Variants in ESRRG observed in about 807,000 individuals in gnomAD.
ESRRG encodes the protein estrogen related receptor gamma.
In ESRRG, 13 loss-of-function variants were observed where a neutral mutation model predicts 44.0. The ratio of observed to expected loss-of-function variants is 0.30; its 90% CI spans 0.19 to 0.47. The LOEUF is 0.47. Ranked by LOEUF, ESRRG falls within the 20% of genes least tolerant of loss-of-function variation. The pLI is 1.00. For missense variants in ESRRG, 395 were observed against 580.6 expected (o/e 0.68, Z 3.29); for synonymous variants, 215 against 214.6 (o/e 1.00, Z -0.02).
At chr1:216,871,753 C>T (rs953147399) in intron 2 of ESRRG, among the ~76,000 whole-genome samples, 6 of 151,940 alleles carry the variant, frequency 3.9e-5, no homozygotes, top group Non-Finnish European at 5.9e-5. Flanking sequence ...CTCTTTATGT[C>T]GTAGTTGCCA....
chr1:216,850,958 A>G (rs1251887728), intron 2 of ESRRG, among the ~76,000 whole-genome samples: 2 of 151,194 alleles, frequency 1.3e-5, no homozygotes, highest in Non-Finnish European at 2.9e-5. Context: ...TCTGGAAGAT[A>G]CGGCCCTCTA....
chr1:216,875,702 T>G (rs1437030811), intron 2 of ESRRG, among the ~76,000 whole-genome samples: 1 of 152,158 alleles, frequency 6.6e-6, no homozygotes, highest in Non-Finnish European at 1.5e-5. Context: ...GTTCCAGCGT[T>G]TTATTGTTAT....
chr1:217,024,802 C>T (rs907363667), intron 1 of ESRRG, among the ~76,000 whole-genome samples: 4 of 152,156 alleles, frequency 2.6e-5, no homozygotes, highest in Non-Finnish European at 5.9e-5. Context: ...TTCACAACAG[C>T]TCTATGAGGG....
chr1:216,802,717 A>C (rs1434215962), intron 2 of ESRRG, among the ~76,000 whole-genome samples: 1 of 152,130 alleles, frequency 6.6e-6, no homozygotes, highest in Non-Finnish European at 1.5e-5. Context: ...TTACTACCCC[A>C]GTTAAATATC....
At chr1:216,963,820 A>T (rs1396429477) in intron 1 of ESRRG, among the ~76,000 whole-genome samples, 1 of 152,132 alleles carries the variant, frequency 6.6e-6, no homozygotes, top group African/African-American at 2.4e-5. Flanking sequence ...TCTCTGCCTC[A>T]AAGTGTCTCG....
chr1:217,004,709 GTATAAC>G (rs1304993124), intron 1 of ESRRG, among the ~76,000 whole-genome samples: 21 of 152,114 alleles, frequency 1.4e-4, no homozygotes, highest in African/African-American at 4.8e-4. Flanking sequence ...AAATTAATCT[GTATAAC>G]TATATCAATC....
chr1:216,699,017 T>C (rs2080856955), intron 1 of ESRRG, among the ~76,000 whole-genome samples: 1 of 152,348 alleles, frequency 6.6e-6, no homozygotes, highest in Non-Finnish European at 1.5e-5. Context: ...CCCTGGAACC[T>C]CACGAGGCTG....
At chr1:216,906,819 C>T (rs2059732677) in intron 2 of ESRRG, among the ~76,000 whole-genome samples, 1 of 152,208 alleles carries the variant, frequency 6.6e-6, no homozygotes, top group African/African-American at 2.4e-5. Flanking sequence ...TAGTTCAACA[C>T]ATTGGTTCCC....
chr1:216,767,903 C>T (rs2093165175), intron 2 of ESRRG, among the ~76,000 whole-genome samples: 1 of 152,048 alleles, frequency 6.6e-6, no homozygotes, highest in African/African-American at 2.4e-5. Context: ...AGACAGTAAC[C>T]CATTAGGAAG....
chr1:217,082,194 C>A (rs1308204313), intron 1 of ESRRG, among the ~76,000 whole-genome samples: 1 of 152,174 alleles, frequency 6.6e-6, no homozygotes, highest in Non-Finnish European at 1.5e-5. Flanking sequence ...GCTTGTTCTA[C>A]AGTAGACAAG....
chr1:217,095,428 A>T (rs2092408975), intron 1 of ESRRG, among the ~76,000 whole-genome samples: 1 of 152,178 alleles, frequency 6.6e-6, no homozygotes, highest in African/African-American at 2.4e-5. Flanking sequence ...AGCAAGGTGG[A>T]TTAGTGTAGA....
chr1:216,544,466 G>A (rs527573763), intron 5 of ESRRG, among the ~76,000 whole-genome samples: 57 of 152,074 alleles, frequency 3.7e-4, no homozygotes, highest in Middle Eastern at 3.4e-3. Flanking sequence ...CAAGGTTACT[G>A]AGGAATACGG....
intron 1 of ESRRG, chr1:216,707,475 T>C: frequency 6.5e-7 from 1 of 1,533,156 alleles, no homozygotes; most frequent in South Asian, 1.2e-5. Flanking sequence ...TGATGGGAAC[T>C]TTACATCAGT....
At chr1:216,854,395 A>G (rs922412552) in intron 2 of ESRRG, among the ~76,000 whole-genome samples, 12 of 151,388 alleles carry the variant, frequency 7.9e-5, no homozygotes, top group Admixed American at 3.3e-4. Context: ...AAAAAAAAGA[A>G]AAAACTCCCT....
At chr1:216,703,689 TTG>T (rs2081914128) in intron 1 of ESRRG, among the ~76,000 whole-genome samples, 1 of 147,208 alleles carries the variant, frequency 6.8e-6, no homozygotes. Flanking sequence ...GTGTGTATGT[TTG>T]TGTGTGTATG....
chr1:216,815,511 T>G (rs2095105541), intron 2 of ESRRG, among the ~76,000 whole-genome samples: 1 of 152,142 alleles, frequency 6.6e-6, no homozygotes, highest in African/African-American at 2.4e-5. Context: ...ATTTCCAGAA[T>G]AGTGGCCCAG....
At chr1:217,028,872 C>T (rs2081596351) in intron 1 of ESRRG, among the ~76,000 whole-genome samples, 1 of 152,156 alleles carries the variant, frequency 6.6e-6, no homozygotes, top group African/African-American at 2.4e-5. Context: ...TAGGCCCTAC[C>T]TTGAAAAAAT....
chr1:216,679,556 T>C (rs867013115), intron 1 of ESRRG, among the ~76,000 whole-genome samples: 2 of 152,140 alleles, frequency 1.3e-5, no homozygotes, highest in Non-Finnish European at 2.9e-5. Context: ...CAGCACTGAA[T>C]TTCCCACAGC....
chr1:216,510,768 C>T (rs1013244763), intron 6 of ESRRG, among the ~76,000 whole-genome samples: 2 of 151,930 alleles, frequency 1.3e-5, no homozygotes, highest in Non-Finnish European at 2.9e-5. Context: ...GCCTGCAGTC[C>T]CAGCTACTCG....
Sources: allele counts gnomAD v4.1 joint callset (sites outside exome capture counted in the v4.1 genomes callset), GRCh38; gene constraint gnomAD v4.1.1; transcripts MANE v1.5; gene names NCBI Gene and HGNC (gene_info 2026-07-23, HGNC 2026-07-21).